Variants in PTK2 observed in about 807,000 individuals in gnomAD.
The protein encoded by PTK2 is focal adhesion kinase 1.
PTK2 carries 45 observed loss-of-function variants against 150.1 expected under a neutral mutation model. The observed-to-expected ratio is 0.30, with a 90% CI of 0.24 to 0.38. The LOEUF (loss-of-function observed/expected upper bound fraction) is 0.38. PTK2 is among the 10% of genes least tolerant of loss of function. The pLI is 1.00. For synonymous variants in PTK2, 432 were observed against 449.2 expected (o/e 0.96, Z 0.48); for missense variants, 919 against 1,307.3 (o/e 0.70, Z 4.58).
At chr8:140,877,327 C>A (rs545678031) in intron 4 of PTK2, among the ~76,000 whole-genome samples, 1 of 152,158 alleles carries the variant, frequency 6.6e-6, no homozygotes, top group Non-Finnish European at 1.5e-5. Flanking sequence ...GGCCACCACA[C>A]CTAGCCAACT....
At chr8:140,761,259 C>T (rs1446876848) in exon 16 of PTK2, 1 of 1,607,438 alleles carries the variant, frequency 6.2e-7, no homozygotes, top group Non-Finnish European at 8.5e-7. Context: ...CTCATAATCC[C>T]TGGCTGTAAA....
At chr8:140,700,931 T>A in exon 26 of PTK2, 1 of 1,614,016 alleles carries the variant, frequency 6.2e-7, no homozygotes, top group Non-Finnish European at 8.5e-7. Flanking sequence ...CTGATCTTCT[T>A]CCATTTCCTG....
chr8:140,947,427 CA>C (rs2100178068), intron 1 of PTK2, among the ~76,000 whole-genome samples: 1 of 152,084 alleles, frequency 6.6e-6, no homozygotes, highest in Non-Finnish European at 1.5e-5. Flanking sequence ...GTGGCAGCAC[CA>C]AAGTCTGAAC....
intron 1 of PTK2, among the ~76,000 whole-genome samples, chr8:140,969,946 A>C (rs1294848521): frequency 1.3e-5 from 2 of 152,226 alleles, no homozygotes. Context: ...AACTCGTGCA[A>C]GACTGGTAAG....
intron 27 of PTK2, among the ~76,000 whole-genome samples, chr8:140,679,284 C>G (rs1239806570): frequency 1.3e-5 from 2 of 151,932 alleles, no homozygotes; most frequent in Admixed American, 6.6e-5. Context: ...CTCGGCCTCC[C>G]AAAATACTGT....
intron 1 of PTK2, among the ~76,000 whole-genome samples, chr8:140,997,277 T>A (rs2100198150): frequency 6.6e-6 from 1 of 152,236 alleles, no homozygotes; most frequent in African/African-American, 2.4e-5. Context: ...TGAAATGGAA[T>A]CTACCCCTGG....
chr8:140,987,378 G>A (rs937664596), intron 1 of PTK2, among the ~76,000 whole-genome samples: 19 of 152,130 alleles, frequency 1.2e-4, no homozygotes, highest in Middle Eastern at 3.4e-3. Context: ...ATGGGTTTTC[G>A]TCATGTTGGC....
chr8:140,936,522 C>T (rs186580606), intron 1 of PTK2, among the ~76,000 whole-genome samples: 243 of 152,046 alleles, frequency 1.6e-3, no homozygotes, highest in Non-Finnish European at 3.0e-3. Context: ...TCACTGCACC[C>T]GACCAATGCT....
chr8:140,850,561 TAA>T (rs538920575), intron 5 of PTK2, among the ~76,000 whole-genome samples: 224 of 120,908 alleles, frequency 1.9e-3, no homozygotes, highest in Admixed American at 1.9e-3. Context: ...CCATCTCTAC[TAA>T]AAAAAAAAAA....
intron 10 of PTK2, among the ~76,000 whole-genome samples, chr8:140,815,864 A>C (rs1245167044): frequency 6.6e-6 from 1 of 152,160 alleles, no homozygotes; most frequent in East Asian, 1.9e-4. Context: ...AACTCTAAGC[A>C]AAAGATAAAA....
At chr8:140,713,187 G>A (rs115129973) in intron 23 of PTK2, among the ~76,000 whole-genome samples, 4,221 of 152,318 alleles carry the variant, frequency 0.028, 176 homozygotes, top group African/African-American at 0.094. Context: ...ACACAGTGAT[G>A]ACTAGTACAA....
chr8:140,987,451 G>C (rs1333060988), intron 1 of PTK2, among the ~76,000 whole-genome samples: 1 of 152,198 alleles, frequency 6.6e-6, no homozygotes, highest in Non-Finnish European at 1.5e-5. Context: ...AAAGTGCTGG[G>C]ATTATAGGCA....
intron 1 of PTK2, among the ~76,000 whole-genome samples, chr8:140,932,343 T>A (rs1402599939): frequency 6.6e-6 from 1 of 152,092 alleles, no homozygotes; most frequent in African/African-American, 2.4e-5. Context: ...GCCTCCCAAG[T>A]AGCTGGGATC....
chr8:140,885,916 C>T (rs1200083222), intron 3 of PTK2, among the ~76,000 whole-genome samples: 1 of 152,012 alleles, frequency 6.6e-6, no homozygotes, highest in Non-Finnish European at 1.5e-5. Flanking sequence ...TTCATCTCTC[C>T]AGGATCATTC....
chr8:140,790,240 T>A (rs2100087672), intron 13 of PTK2, among the ~76,000 whole-genome samples: 2 of 152,200 alleles, frequency 1.3e-5, no homozygotes, highest in African/African-American at 2.4e-5. Flanking sequence ...CTTTTCCAGA[T>A]GAAATATTGA....
chr8:140,709,028 T>C (rs2100035360), intron 23 of PTK2, among the ~76,000 whole-genome samples: 2 of 152,076 alleles, frequency 1.3e-5, no homozygotes. Context: ...CTACCTACTT[T>C]ACATACAATT....
chr8:140,830,134 G>A (rs1330237436), intron 8 of PTK2, among the ~76,000 whole-genome samples: 2 of 151,784 alleles, frequency 1.3e-5, no homozygotes, highest in Admixed American at 6.6e-5. Context: ...CCACCACCAC[G>A]ATTATTTTAC....
chr8:140,771,960 T>C lies in PTK2; in HGVS notation c.1178-7670A>G, dbSNP rs537122982. Reference sequence around the variant, plus strand: ...AAGCCCAGCTAATTTTTGTATTTTTTTTTTTTTTAGTAGAGTCAGGGTTTC... The same window carrying C: ...AAGCCCAGCTAATTTTTGTATTTTTCTTTTTTTTAGTAGAGTCAGGGTTTC... On this transcript the variant is annotated intron_variant, in intron 14 of 31. Coordinates refer to ENST00000522684, the Ensembl canonical transcript of PTK2. Among the ~76,000 whole-genome samples the C allele has an allele frequency of 4.3e-4, 65 of 151,906 alleles. 1 individual carries two copies. The South Asian group carries it at 0.013, about 31-fold the overall frequency.
intron 5 of PTK2, among the ~76,000 whole-genome samples, chr8:140,854,035 A>T (rs180872624): frequency 6.6e-6 from 1 of 152,372 alleles, no homozygotes; most frequent in East Asian, 1.9e-4. Flanking sequence ...GTGACCAATA[A>T]GAAATAAGTA....
Sources: allele counts gnomAD v4.1 joint callset (sites outside exome capture counted in the v4.1 genomes callset), GRCh38; gene constraint gnomAD v4.1.1; transcripts MANE v1.5; gene names NCBI Gene and HGNC (gene_info 2026-07-23, HGNC 2026-07-21).